The following SLC22A8 variants were observed in gnomAD, a reference collection of about 807,000 sequenced individuals.
SLC22A8 encodes solute carrier family 22 member 8, also known as organic anion transporter 3.
SLC22A8 carries 40 observed loss-of-function variants against 48.4 expected under a neutral mutation model. The ratio of observed to expected loss-of-function variants is 0.83; its 90% CI spans 0.64 to 1.08. The LOEUF (loss-of-function observed/expected upper bound fraction) is 1.08. Among genes scored for constraint, SLC22A8 ranks in the 50% least tolerant of loss-of-function variants. The pLI is 0.00. For synonymous variants in SLC22A8, 268 were observed against 286.3 expected (o/e 0.94, Z 0.65); for missense variants, 606 against 699.0 (o/e 0.87, Z 1.50).
At chr11:62,994,925 C>A in intron 7 of SLC22A8, 169 bp from the exon 8 acceptor site, 1 of 643,448 alleles carries the variant, frequency 1.6e-6, no homozygotes, top group Non-Finnish European at 2.8e-6. Context: ...CGTGTCTGGG[C>A]TCAGGGAGAA....
In SLC22A8 at chr11:63,009,007, A is replaced by T. The variant is rs575836934; in HGVS notation, c.333+5619T>A. On this transcript the variant is annotated intron_variant, in intron 2 of 10. Transcript: ENST00000336232. ...GAAGGTCCCACCTCCTCCTGCGCAC[A>T]TAATCAGGGGCTTTCTCGGTCAGGG... Among the ~76,000 whole-genome samples, 7 of 152,206 alleles carry T rather than the reference A, an allele frequency of 4.6e-5. No individual in the cohort carries two copies. The South Asian group carries it at 1.5e-3, about 32-fold the overall frequency.
intron 8 of SLC22A8, 42 bp from the exon 9 acceptor site, chr11:62,993,920 G>C: frequency 8.1e-7 from 1 of 1,227,282 alleles, no homozygotes; most frequent in Non-Finnish European, 1.2e-6. Context: ...GAGTTCAGGA[G>C]CACCTAAGAG....
chr11:63,000,671 G>T (rs777521830), intron 3 of SLC22A8, 49 bp downstream of exon 3: 1 of 1,338,784 alleles, frequency 7.5e-7, no homozygotes. Context: ...AGTAGGGAAG[G>T]GTTGTCCCCA....
In SLC22A8 at chr11:63,014,771, G is replaced by A; in HGVS notation, c.188C>T (p.Pro63Leu). ...CTCAGGCTTCCCATTTGGGCCCATG[G>A]GGAGCACCCAAGGCCCTGTGGAGGC... is the stretch of plus-strand genomic sequence containing the variant. ...HNASTGPWVL[P>L]MGPNGKPERC... Residue 63 changes from proline to leucine, a missense_variant, in exon 2 of 11, where the codon CCC becomes CTC. Coordinates refer to ENST00000336232, the MANE Select transcript of SLC22A8 (RefSeq NM_004254.4). 6.2e-7 allele frequency: 1 copy of A among 1,614,002 alleles called. No individual in the cohort carries two copies. Among genetic ancestry groups the A allele is most frequent in the Non-Finnish European group, 8.5e-7 (1 of 1,179,848 alleles).
Position 62,996,013 on chromosome 11 carries a change from A to C in SLC22A8, c.885+16T>G. On this transcript the variant is annotated intron_variant, in intron 6 of 10. Transcript: ENST00000336232. ...CACAGGGGTTCTGCTCCCAGACTAT[A>C]GTCCTCAGCCCCTACCTCCAAGCTG... is the stretch of plus-strand genomic sequence containing the variant. The C allele has an allele frequency of 6.2e-7, 1 of 1,614,126 alleles. No homozygotes were observed. The highest frequency in any genetic ancestry group is 8.5e-7 in the Non-Finnish European group (1 of 1,179,986).
intron 5 of SLC22A8, among the ~76,000 whole-genome samples, chr11:62,997,973 C>A (rs376807915): frequency 3.7e-4 from 56 of 151,732 alleles, no homozygotes; most frequent in African/African-American, 1.3e-3. Flanking sequence ...TTTTTTGAGA[C>A]GAAGTTTTGC....
intron 2 of SLC22A8, among the ~76,000 whole-genome samples, chr11:63,001,908 T>TTTAA (rs1057253618): frequency 2.0e-5 from 3 of 152,130 alleles, no homozygotes; most frequent in Admixed American, 6.6e-5. Flanking sequence ...ACCTTCTCTT[T>TTTAA]TTAATTAATT....
At chr11:62,998,824 C>T (rs1179787845) in intron 5 of SLC22A8, 97 bp downstream of exon 5, 7 of 1,082,322 alleles carry the variant, frequency 6.5e-6, no homozygotes, top group African/African-American at 1.6e-5. Flanking sequence ...GACTGGGTGC[C>T]CGGGGACACA....
intron 2 of SLC22A8, among the ~76,000 whole-genome samples, chr11:63,008,123 G>A (rs1006481484): frequency 2.0e-5 from 3 of 152,240 alleles, no homozygotes; most frequent in African/African-American, 7.2e-5. Flanking sequence ...AGGCAGTCAA[G>A]GTCAGAGCCA....
intron 7 of SLC22A8, 127 bp from the exon 8 acceptor site, chr11:62,994,883 C>G: frequency 1.4e-6 from 1 of 721,950 alleles, no homozygotes; most frequent in Admixed American, 2.1e-5. Context: ...ATGATAGGGG[C>G]TGCTTGAGTG....
chr11:62,997,218 T>G (rs1276418144), intron 5 of SLC22A8, among the ~76,000 whole-genome samples: 2 of 152,086 alleles, frequency 1.3e-5, no homozygotes, highest in East Asian at 3.8e-4. Context: ...CCTAGAAAAA[T>G]ATTTTTCTTT....
At chr11:63,000,213 G>A (rs375226909) in intron 3 of SLC22A8, among the ~76,000 whole-genome samples, 7 of 152,294 alleles carry the variant, frequency 4.6e-5, no homozygotes, top group East Asian at 3.9e-4. Context: ...GCCAGACACG[G>A]TGGTTCATGC....
Position 62,993,113 on chromosome 11 carries a change from C to T in SLC22A8, c.*124G>A. ...GGCTCTGGTGGTGGTGATGGAGACA[C>T]CTTCACCAAGCTCTCAGAAGGCTTC... On this transcript the variant is annotated 3_prime_UTR_variant, in exon 11 of 11. Coordinates refer to ENST00000336232, the MANE Select transcript of SLC22A8 (RefSeq NM_004254.4). 1 of 695,146 alleles carries T rather than the reference C, an allele frequency of 1.4e-6. No homozygotes were observed. Among genetic ancestry groups the T allele is most frequent in the Non-Finnish European group, 2.4e-6 (1 of 412,906 alleles). 43.1% of individuals were successfully genotyped at this position (695,146 alleles called of 1,614,324 possible). A position where few individuals can be genotyped will look rare whatever the true frequency, so the allele number is the denominator to read the frequency against.
At chr11:63,014,289 G>T (rs879513049) in intron 2 of SLC22A8, among the ~76,000 whole-genome samples, 1 of 152,188 alleles carries the variant, frequency 6.6e-6, no homozygotes, top group Non-Finnish European at 1.5e-5. Flanking sequence ...ACACTTATTT[G>T]TGTGGTGTTT....
intron 2 of SLC22A8, among the ~76,000 whole-genome samples, chr11:63,002,054 G>A (rs1183582866): frequency 6.6e-6 from 1 of 152,004 alleles, no homozygotes. Flanking sequence ...GGGACTACAG[G>A]TGTGCATGAC....
intron 1 of SLC22A8, 51 bp downstream of exon 1, chr11:63,015,678 C>T (rs4963227): frequency 0.89 from 135,850 of 153,018 alleles, 60,415 homozygotes; most frequent in South Asian, 0.93. Context: ...CTTGGGAGAT[C>T]CCTGGGATTC....
chr11:63,014,181 T>C (rs1271124690), intron 2 of SLC22A8, among the ~76,000 whole-genome samples: 1 of 152,152 alleles, frequency 6.6e-6, no homozygotes, highest in Middle Eastern at 3.2e-3. Flanking sequence ...GGCATTTCTG[T>C]AGGGAGGATT....
intron 5 of SLC22A8, among the ~76,000 whole-genome samples, chr11:62,997,805 C>G (rs1261096169): frequency 6.6e-6 from 1 of 152,196 alleles, no homozygotes; most frequent in Non-Finnish European, 1.5e-5. Flanking sequence ...AATAATGTCT[C>G]CCTCACACAG....
intron 2 of SLC22A8, among the ~76,000 whole-genome samples, chr11:63,004,935 A>AT (rs1323733490): frequency 6.6e-6 from 1 of 152,224 alleles, no homozygotes; most frequent in Non-Finnish European, 1.5e-5. Context: ...TTTCACCAGA[A>AT]TGAGTGCATG....
Sources: allele counts gnomAD v4.1 joint callset (sites outside exome capture counted in the v4.1 genomes callset), GRCh38; gene constraint gnomAD v4.1.1; transcripts MANE v1.5; gene names NCBI Gene and HGNC (gene_info 2026-07-23, HGNC 2026-07-21).